Variants in SCN3A observed in about 807,000 individuals in gnomAD.
SCN3A encodes sodium channel protein type 3 subunit alpha.
In SCN3A, 60 loss-of-function variants were observed where a neutral mutation model predicts 187.6. The observed-to-expected ratio is 0.32, with a 90% CI of 0.26 to 0.40. The LOEUF is 0.40. Among genes scored for constraint, SCN3A ranks in the 10% least tolerant of loss-of-function variants. The pLI, the probability that SCN3A is intolerant of heterozygous loss-of-function variation, is 1.00. For synonymous variants in SCN3A, 788 were observed against 829.2 expected (o/e 0.95, Z 0.85); for missense variants, 1,601 against 2,428.2 (o/e 0.66, Z 7.16).
Position 165,162,813 on chromosome 2 carries a change from A to T in SCN3A, c.710T>A (p.Val237Glu). Residue 237 changes from valine to glutamate, a missense_variant, in exon 8 of 28, where the codon GTG becomes GAG. Coordinates refer to ENST00000283254, the MANE Select transcript of SCN3A (RefSeq NM_006922.4). ...CTTTACCGACTGGATCAGGGCCCCC[A>T]CAATGGTCTTTAAACCTGCAGAGAG... ...ISVIPGLKTI[V>E]GALIQSVKKL... 6.2e-7 allele frequency: 1 copy of T among 1,614,128 alleles called. No individual in the cohort carries two copies.
chr2:165,147,998 G>T (rs1688455020), intron 11 of SCN3A, among the ~76,000 whole-genome samples: 1 of 152,034 alleles, frequency 6.6e-6, no homozygotes, highest in South Asian at 2.1e-4. Flanking sequence ...GACAATATCA[G>T]TTAAACTTTT....
intron 1 of SCN3A, among the ~76,000 whole-genome samples, chr2:165,197,821 AT>A (rs1692061569): frequency 6.6e-6 from 1 of 151,986 alleles, no homozygotes; most frequent in African/African-American, 2.4e-5. Flanking sequence ...AGCTAATTTA[AT>A]AGTTTACATT....
chr2:165,103,066 T>A (rs899121799), intron 21 of SCN3A, among the ~76,000 whole-genome samples: 4 of 152,326 alleles, frequency 2.6e-5, no homozygotes, highest in African/African-American at 9.6e-5. Context: ...TACAATGTCA[T>A]TTTGTATAAG....
intron 9 of SCN3A, among the ~76,000 whole-genome samples, chr2:165,160,172 C>G (rs897600988): frequency 1.1e-5 from 1 of 93,510 alleles, no homozygotes; most frequent in African/African-American, 5.9e-5. Context: ...CACCAATGGC[C>G]AGGCGCAGTG....
intron 7 of SCN3A, among the ~76,000 whole-genome samples, chr2:165,163,046 G>C (rs1343066117): frequency 6.6e-6 from 1 of 152,164 alleles, no homozygotes; most frequent in Non-Finnish European, 1.5e-5. Context: ...TAAATATCTA[G>C]TCAGGAAGTT....
rs1204242192 is a variant in SCN3A, at chr2:165,090,744, A to G, written c.5409T>C (p.Asp1803=). The G allele has an allele frequency of 6.2e-7, 1 of 1,614,134 alleles. No individual in the cohort carries two copies. The highest frequency in any genetic ancestry group is 8.5e-7 in the Non-Finnish European group (1 of 1,180,014). The change falls in exon 28 of 28, where the codon GAT becomes GAC. Residue 1803 remains aspartate (D), a synonymous_variant. Coordinates refer to ENST00000283254, the MANE Select transcript of SCN3A (RefSeq NM_006922.4). This position sits in a 1 kb window ranked among gnomAD's most constrained non-coding sequence, Gnocchi z 4.0. The part of the protein sequence containing the change: ...FYEVWEKFDP[D]ATQFIEFSKL... ...TAGAGAACTCTATAAACTGGGTCGC[A>G]TCGGGATCAAACTTTTCCCAAACCT... is the stretch of plus-strand genomic sequence containing the variant.
At chr2:165,163,584 T>G in intron 7 of SCN3A, 34 bp downstream of exon 7, 1 of 1,610,236 alleles carries the variant, frequency 6.2e-7, no homozygotes, top group Middle Eastern at 1.7e-4. Flanking sequence ...ACTCAATAAT[T>G]AAAGTCAACC....
At chr2:165,167,542 A>AT (rs1348302906) in intron 5 of SCN3A, among the ~76,000 whole-genome samples, 1 of 152,148 alleles carries the variant, frequency 6.6e-6, no homozygotes, top group Non-Finnish European at 1.5e-5. Flanking sequence ...AGCATACTGC[A>AT]TTTTTTACTT....
chr2:165,132,145 G>A (rs1362533900), intron 15 of SCN3A, among the ~76,000 whole-genome samples: 1 of 152,114 alleles, frequency 6.6e-6, no homozygotes, highest in East Asian at 1.9e-4. Flanking sequence ...ACAAACAAAT[G>A]GAAGAACATT....
chr2:165,170,688 C>G (rs1348402444), intron 3 of SCN3A, 140 bp from the exon 4 acceptor site: 14 of 620,904 alleles, frequency 2.3e-5, no homozygotes, highest in Non-Finnish European at 2.6e-5. Context: ...ATCATAACTA[C>G]AAACATGTTA....
At chr2:165,124,211 A>G (rs1686858918) in intron 18 of SCN3A, among the ~76,000 whole-genome samples, 1 of 152,138 alleles carries the variant, frequency 6.6e-6, no homozygotes, top group East Asian at 1.9e-4. Context: ...TTCCAGGTAC[A>G]TAACAAAGGA....
intron 11 of SCN3A, among the ~76,000 whole-genome samples, chr2:165,148,163 AG>A (rs1467764703): frequency 7.0e-6 from 1 of 143,570 alleles, no homozygotes; most frequent in African/African-American, 2.5e-5. Context: ...TGGTGAATAA[AG>A]ATTTAAAAAT....
chr2:165,147,689 T>C (rs1175120208), intron 11 of SCN3A, among the ~76,000 whole-genome samples: 3 of 151,938 alleles, frequency 2.0e-5, no homozygotes, highest in Non-Finnish European at 2.9e-5. Flanking sequence ...ATATTATAAA[T>C]AACAAATGAT....
chr2:165,197,346 C>G (rs1163168816), intron 1 of SCN3A, among the ~76,000 whole-genome samples: 4 of 152,082 alleles, frequency 2.6e-5, no homozygotes, highest in Non-Finnish European at 5.9e-5. Context: ...GTTTTCAAAC[C>G]TGGCTACACA....
intron 14 of SCN3A, among the ~76,000 whole-genome samples, chr2:165,138,597 G>T (rs913950319): frequency 1.1e-4 from 17 of 152,172 alleles, no homozygotes; most frequent in Admixed American, 2.6e-4. Flanking sequence ...CAGTGAGAAC[G>T]TAGTATGCCT....
intron 18 of SCN3A, among the ~76,000 whole-genome samples, chr2:165,124,348 C>T (rs570787401): frequency 3.9e-5 from 6 of 151,932 alleles, no homozygotes; most frequent in Admixed American, 1.3e-4. Flanking sequence ...ACCAACTGTT[C>T]GGTAGGAGGA....
At chr2:165,147,145 A>G (rs1688401518) in intron 11 of SCN3A, 116 bp from the exon 12 acceptor site, 2 of 1,166,170 alleles carry the variant, frequency 1.7e-6, no homozygotes, top group Non-Finnish European at 2.4e-6. Context: ...TCTATCCTCT[A>G]GTCCTTTTAT....
intron 11 of SCN3A, among the ~76,000 whole-genome samples, chr2:165,150,165 C>A (rs1688610105): frequency 6.6e-6 from 1 of 152,130 alleles, no homozygotes; most frequent in Non-Finnish European, 1.5e-5. Context: ...TGATCTAGGA[C>A]AAAACATTGA....
Position 165,095,618 on chromosome 2 carries a change from G to A in SCN3A, c.4324C>T (p.Leu1442=). ...VKLQPVYEEN[L]YMYLYFVIFI... ...ATGACAAAGTATAAATACATGTACA[G>A]ATTTTCTTCATATACAGGCTGAAGT... Residue 1442 remains leucine, a synonymous_variant, in exon 25 of 28, where the codon CTG becomes TTG. Coordinates refer to ENST00000283254, the MANE Select transcript of SCN3A (RefSeq NM_006922.4). 6.6e-7 allele frequency: 1 copy of A among 1,503,958 alleles called. No homozygotes were observed. The highest frequency in any genetic ancestry group is 9.2e-7 in the Non-Finnish European group (1 of 1,081,104). The allele number at this position is 1,503,958 out of a possible 1,614,324, so 93.2% of individuals were successfully genotyped here.
Sources: allele counts gnomAD v4.1 joint callset (sites outside exome capture counted in the v4.1 genomes callset), GRCh38; gene constraint gnomAD v4.1.1; non-coding constraint Gnocchi (gnomAD v3.1); transcripts MANE v1.5; gene names NCBI Gene and HGNC (gene_info 2026-07-23, HGNC 2026-07-21).